ARAP1: variants seen among roughly 807,000 people sequenced by gnomAD.
The protein encoded by ARAP1 is arf-GAP with Rho-GAP domain, ANK repeat and PH domain-containing protein 1.
ARAP1 carries 76 observed loss-of-function variants against 172.2 expected under a neutral mutation model. The ratio of observed to expected loss-of-function variants is 0.44; its 90% confidence interval spans 0.37 to 0.53. ARAP1 has a LOEUF of 0.53. ARAP1 is among the 20% of genes least tolerant of loss of function. The probability of loss-of-function intolerance (pLI) is 0.00; values close to 1 mark genes in which losing one functional copy is unlikely to be tolerated. For synonymous variants in ARAP1, 804 were observed against 803.3 expected (o/e 1.00, Z -0.01); for missense variants, 1,686 against 1,977.5 (o/e 0.85, Z 2.80).
rs1171534701 is a variant in ARAP1 at position 72,714,198 on chromosome 11, G to T, written c.633C>A (p.Cys211Ter). 1 of 1,522,592 alleles carries T rather than the reference G, an allele frequency of 6.6e-7. No homozygotes were observed. Among genetic ancestry groups the T allele is most frequent in the Non-Finnish European group, 8.8e-7 (1 of 1,140,068 alleles). 94.3% of individuals were successfully genotyped at this position (1,522,592 alleles called of 1,614,324 possible). ...CCGGCTTTGGAGGTATCTCCGGGGG[G>T]CAGGGAGGTGGAGAGGGAGGCTGGG... ...GPPQPPSPPPCPPEIPPKPVR... is the reference protein window; with the variant it reads ...GPPQPPSPPP Residue 211 changes from cysteine to a stop codon, truncating the protein, a stop_gained, in exon 4 of 35, where the codon TGC becomes TGA. Transcript: ENST00000393609. LOFTEE classifies it high-confidence loss of function.
chr11:72,714,306 C>G lies in ARAP1; in HGVS notation c.525G>C (p.Glu175Asp), dbSNP rs1252354331. 1 of 1,549,660 alleles carries G rather than the reference C, an allele frequency of 6.5e-7. No homozygotes were observed. The highest frequency in any genetic ancestry group is 1.4e-5 in the African/African-American group (1 of 72,816). The change falls in exon 4 of 35, where the codon GAG (glutamate) becomes GAC (aspartate). Residue 175 changes from glutamate to aspartate, a missense_variant. Transcript: ENST00000393609. ...PRLLVSLPTK[E>D]EESLLPSLSS... ...ATAATGATGGCAGCAATGACTCCTC[C>G]TCCTTAGTGGGCAGGCTGGGAACAC...
chr11:72,689,900 G>A (rs1855866528), intron 30 of ARAP1, among the ~76,000 whole-genome samples: 1 of 152,164 alleles, frequency 6.6e-6, no homozygotes, highest in African/African-American at 2.4e-5. Context: ...GGAATATAAG[G>A]AAGAAACCTG....
At chr11:72,719,793 C>T (rs1857433990) in intron 3 of ARAP1, among the ~76,000 whole-genome samples, 1 of 152,170 alleles carries the variant, frequency 6.6e-6, no homozygotes, top group Admixed American at 6.5e-5. Context: ...ACTCACACTC[C>T]AGCCCTCCCT....
rs1858190246 is a variant in ARAP1 at position 72,741,247 on chromosome 11, GC to G, written c.-127-8651del. On this transcript the variant is annotated intron_variant, in intron 1 of 34. Coordinates refer to ENST00000393609, the MANE Select transcript of ARAP1 (RefSeq NM_001040118.3). This position sits in a 1 kb window ranked among gnomAD's most constrained non-coding sequence, Gnocchi z 4.5. ...GCCCTCACCGCTGCCTCCTGCCTCTGCCCCCTGCAACCAGGACATACTCTAG... is the reference window on the plus strand; with the variant it reads ...GCCCTCACCGCTGCCTCCTGCCTCTGCCCCTGCAACCAGGACATACTCTAG... Among the ~76,000 whole-genome samples, 1 of 151,844 alleles carries G rather than the reference GC, an allele frequency of 6.6e-6. No individual in the cohort carries two copies.
intron 2 of ARAP1, among the ~76,000 whole-genome samples, chr11:72,731,656 G>C (rs779013160): frequency 5.9e-5 from 9 of 152,202 alleles, no homozygotes; most frequent in Non-Finnish European, 1.2e-4. Flanking sequence ...CTCCTTAAGA[G>C]TATCTCACTT....
intron 1 of ARAP1, among the ~76,000 whole-genome samples, chr11:72,734,576 T>C (rs547535387): frequency 3.3e-5 from 5 of 152,374 alleles, no homozygotes; most frequent in Middle Eastern, 3.4e-3. Flanking sequence ...AAGTACTTTA[T>C]ATTAACTCAT....
intron 3 of ARAP1, among the ~76,000 whole-genome samples, chr11:72,715,464 C>T (rs989322272): frequency 9.2e-5 from 14 of 152,148 alleles, no homozygotes; most frequent in Admixed American, 8.5e-4. Context: ...ACAGGGTCTG[C>T]CTGGGGTGTG....
At chr11:72,744,292 A>C (rs1858289020) in intron 1 of ARAP1, among the ~76,000 whole-genome samples, 1 of 152,180 alleles carries the variant, frequency 6.6e-6, no homozygotes, top group African/African-American at 2.4e-5. Flanking sequence ...CTGTTGACTG[A>C]ACGAACATTT....
chr11:72,705,616 C>T (rs1434231277), intron 13 of ARAP1, 189 bp downstream of exon 13: 1 of 528,102 alleles, frequency 1.9e-6, no homozygotes. Context: ...ACATTCTTAG[C>T]TCACTGGCCA....
At chr11:72,742,885 C>T (rs1417971161) in intron 1 of ARAP1, among the ~76,000 whole-genome samples, 4 of 152,212 alleles carry the variant, frequency 2.6e-5, no homozygotes, top group South Asian at 2.1e-4. Flanking sequence ...AGCTAGCAGC[C>T]GGCCTGCCAG....
Position 72,726,839 on chromosome 11 carries a change from G to C in ARAP1, c.290C>G (p.Thr97Ser). ...HIFRSPPVPA[T>S]PPEPLPTTTE... is the part of the protein sequence containing the mutation. ...AGTGGTGGGCAGCGGCTCGGGTGGA[G>C]TGGCAGGCACAGGTGGTGAGCGGAA... The change falls in exon 3 of 35, where the codon ACT becomes AGT. Residue 97 changes from threonine (T) to serine (S), a missense_variant. Thr to Ser is a moderately conservative substitution (Grantham distance 58). This residue lies in a region of ARAP1 where 190 missense variants were observed against 228.6 expected (regional missense o/e 0.83). Coordinates refer to ENST00000393609, the MANE Select transcript of ARAP1 (RefSeq NM_001040118.3). This position sits in a 1 kb window ranked among gnomAD's most constrained non-coding sequence, Gnocchi z 6.5. 1 of 1,562,726 alleles carries C rather than the reference G, an allele frequency of 6.4e-7. No individual in the cohort carries two copies. Among genetic ancestry groups the C allele is most frequent in the Non-Finnish European group, 8.7e-7 (1 of 1,153,478 alleles).
chr11:72,740,235 G>A (rs564564984), intron 1 of ARAP1, among the ~76,000 whole-genome samples: 48 of 152,266 alleles, frequency 3.2e-4, no homozygotes, highest in African/African-American at 1.2e-3. Flanking sequence ...CCTGGTGGGA[G>A]GCAGGACCTT....
chr11:72,724,378 C>G (rs1857626936), intron 3 of ARAP1, among the ~76,000 whole-genome samples: 2 of 152,138 alleles, frequency 1.3e-5, no homozygotes, highest in Admixed American at 6.5e-5. Flanking sequence ...AGTTCCCCAT[C>G]ATGAGGGGTT....
chr11:72,697,031 C>T lies in ARAP1; in HGVS notation c.3118G>A (p.Asp1040Asn). The T allele has an allele frequency of 1.2e-6, 2 of 1,609,786 alleles. No individual in the cohort carries two copies. Among genetic ancestry groups the T allele is most frequent in the Non-Finnish European group, 1.7e-6 (2 of 1,179,946 alleles). Residue 1040 changes from aspartate to asparagine, a missense_variant, in exon 22 of 35, where the codon GAT (aspartate) becomes AAT (asparagine). This residue lies in a region of ARAP1 where 274 missense variants were observed against 262.7 expected (regional missense o/e 1.04). Coordinates refer to ENST00000393609, the MANE Select transcript of ARAP1 (RefSeq NM_001040118.3). ...CGCTGGGCGCGAGTGAAGAGCCCAT[C>T]AGGCAGGTCGCGCAGGAAGCGCTTG... ...ALKRFLRDLP[D>N]GLFTRAQRLT...
intron 30 of ARAP1, among the ~76,000 whole-genome samples, chr11:72,691,515 G>C (rs1445152850): frequency 6.6e-6 from 1 of 152,222 alleles, no homozygotes; most frequent in Non-Finnish European, 1.5e-5. Context: ...GATCACAGAA[G>C]AGGGCAAAGG....
chr11:72,732,994 A>G (rs1857908664), intron 1 of ARAP1, among the ~76,000 whole-genome samples: 1 of 152,016 alleles, frequency 6.6e-6, no homozygotes, highest in African/African-American at 2.4e-5. Context: ...AAAAAAAGAA[A>G]AGAAAAAAGA....
At position 72,692,763 on chromosome 11, in the gene ARAP1, GCC is replaced by G. The variant is rs1565209708; in HGVS notation, c.3975_3976del (p.Ala1326ProfsTer2). Reference sequence around the variant, plus strand: ...CCCACAGCTACTCACGGTCTCAGGGGCCCCGCTCCACGGCCTCTGGCTCTGTT... The same window carrying G: ...CCCACAGCTACTCACGGTCTCAGGGGCCGCTCCACGGCCTCTGGCTCTGTT... On this transcript the variant is annotated frameshift_variant, in exon 30 of 35. Transcript: ENST00000393609. LOFTEE classifies it high-confidence loss of function. 1 of 1,613,758 alleles carries G rather than the reference GCC, an allele frequency of 6.2e-7. No homozygotes were observed.
At chr11:72,746,464 T>C (rs1316556019) in intron 1 of ARAP1, among the ~76,000 whole-genome samples, 3 of 152,192 alleles carry the variant, frequency 2.0e-5, no homozygotes, top group African/African-American at 7.2e-5. Flanking sequence ...CAGCCTCAAC[T>C]TGGGGGTGAC....
rs10570876 is a variant in ARAP1 at position 72,725,295 on chromosome 11, CCTCTCT to C, written c.509+1319_509+1324del. Among the ~76,000 whole-genome samples, 283 of 147,972 alleles carry C rather than the reference CCTCTCT, an allele frequency of 1.9e-3. 1 individual carries two copies. Among genetic ancestry groups the C allele is most frequent in the Middle Eastern group, 0.017 (5 of 288 alleles). On this transcript the variant is annotated intron_variant, in intron 3 of 34. Transcript: ENST00000393609. This position sits in a 1 kb window ranked among gnomAD's most constrained non-coding sequence, Gnocchi z 4.3. The stretch of plus-strand genomic sequence containing the variant: ...TTCTCTATCCTCTTCTCTCTTCTAA[CCTCTCT>C]CTCTCTCTCTCTCTCTCTTTTTCTC...
Sources: allele counts gnomAD v4.1 joint callset (sites outside exome capture counted in the v4.1 genomes callset), GRCh38; gene constraint gnomAD v4.1.1; regional missense constraint gnomAD v4.1.1; non-coding constraint Gnocchi (gnomAD v3.1); transcripts MANE v1.5; gene names NCBI Gene and HGNC (gene_info 2026-07-23, HGNC 2026-07-21).